NPLOC4: variants seen among roughly 807,000 people sequenced by gnomAD.
NPLOC4 encodes the protein nuclear protein localization protein 4 homolog.
A neutral mutation model predicts 80.6 loss-of-function variants in NPLOC4; 18 were observed. The ratio of observed to expected loss-of-function variants is 0.22; its 90% CI spans 0.15 to 0.33. The LOEUF (loss-of-function observed/expected upper bound fraction) is 0.33. Ranked by LOEUF, NPLOC4 falls within the 10% of genes least tolerant of loss-of-function variation. The pLI is 1.00. For synonymous variants in NPLOC4, 313 were observed against 301.5 expected, an observed-to-expected ratio of 1.04 and a Z score of -0.39; for missense variants, 540 against 786.1, an observed-to-expected ratio of 0.69 and a Z score of 3.74.
intron 3 of NPLOC4, among the ~76,000 whole-genome samples, chr17:81,618,585 G>A (rs147114956): frequency 9.2e-5 from 6 of 64,948 alleles, no homozygotes; most frequent in Admixed American, 6.8e-4. Context: ...GAGGGAGGTG[G>A]GGGGTCAGCC....
intron 1 of NPLOC4, among the ~76,000 whole-genome samples, chr17:81,630,290 CTTTTT>C (rs202138659): frequency 6.7e-6 from 1 of 150,246 alleles, no homozygotes; most frequent in Non-Finnish European, 1.5e-5. Context: ...CTAATTGTTA[CTTTTT>C]TTTTGCTTTT....
At chr17:81,578,022 A>G (rs1568126794) in intron 12 of NPLOC4, among the ~76,000 whole-genome samples, 1 of 152,104 alleles carries the variant, frequency 6.6e-6, no homozygotes, top group East Asian at 1.9e-4. Context: ...TGCCTCTCCT[A>G]CCTGGATTTC....
chr17:81,575,159 G>C (rs550575727), intron 12 of NPLOC4, among the ~76,000 whole-genome samples: 2 of 152,278 alleles, frequency 1.3e-5, no homozygotes, highest in East Asian at 3.9e-4. Context: ...GAGTGCAGTG[G>C]CGCGGTCTCG....
chr17:81,571,503 G>C (rs2034159706), intron 13 of NPLOC4, among the ~76,000 whole-genome samples: 1 of 152,226 alleles, frequency 6.6e-6, no homozygotes, highest in African/African-American at 2.4e-5. Flanking sequence ...AGAACACTGA[G>C]TTACAGGTGT....
rs2034189002 is a variant in NPLOC4 at position 81,572,514 on chromosome 17, T to A, written c.1282-426A>T. Among the ~76,000 whole-genome samples the A allele has an allele frequency of 6.6e-6, 1 of 152,194 alleles. No individual in the cohort carries two copies. Among genetic ancestry groups the A allele is most frequent in the Non-Finnish European group, 1.5e-5 (1 of 68,042 alleles). ...CCTTCACTTTTTAAATTACTTCAAATCTTATTGAAGTGTATGGATAGCAGA... is the reference window on the plus strand; with the variant it reads ...CCTTCACTTTTTAAATTACTTCAAAACTTATTGAAGTGTATGGATAGCAGA... On this transcript the variant is annotated intron_variant, in intron 12 of 16. Coordinates refer to ENST00000331134, the MANE Select transcript of NPLOC4 (RefSeq NM_017921.4). The surrounding 1 kb of genome is among the most constrained non-coding windows in gnomAD (Gnocchi z 4.5).
At chr17:81,633,484 A>G (rs1008500048) in intron 1 of NPLOC4, among the ~76,000 whole-genome samples, 1 of 152,232 alleles carries the variant, frequency 6.6e-6, no homozygotes, top group South Asian at 2.1e-4. Flanking sequence ...TTCCAAGGCC[A>G]ACTCCAGTAT....
rs200065610 is a variant in NPLOC4, at chr17:81,559,373, G to C, written c.1713C>G (p.Ala571=). The C allele has an allele frequency of 1.2e-6, 2 of 1,609,726 alleles. No individual in the cohort carries two copies. Among genetic ancestry groups the C allele is most frequent in the Non-Finnish European group, 8.5e-7 (1 of 1,178,356 alleles). ...TGGCCGTGTGTGTGGAGCCCCCGAC[G>C]GCGCCGTACTCATGGAGACCTGGGA... ...GQLPGLHEYG[A]VGGSTHTATA... The change falls in exon 17 of 17, where the codon GCC becomes GCG. Residue 571 remains alanine, a synonymous_variant. Transcript: ENST00000331134.
chr17:81,605,149 C>T (rs921930709), intron 7 of NPLOC4, among the ~76,000 whole-genome samples: 1 of 151,668 alleles, frequency 6.6e-6, no homozygotes, highest in Non-Finnish European at 1.5e-5. Flanking sequence ...GGCGTGGTGG[C>T]GGGCGCCTGT....
chr17:81,573,849 C>G (rs1261459461), intron 12 of NPLOC4, among the ~76,000 whole-genome samples: 1 of 152,228 alleles, frequency 6.6e-6, no homozygotes, highest in African/African-American at 2.4e-5. Context: ...CCTGCAAATA[C>G]ACAGCTCTGC....
At chr17:81,628,078 G>A (rs1164667112) in intron 2 of NPLOC4, among the ~76,000 whole-genome samples, 1 of 151,630 alleles carries the variant, frequency 6.6e-6, no homozygotes, top group African/African-American at 2.4e-5. Context: ...CAGGCATGGT[G>A]GTGGGCGCCT....
chr17:81,629,424 G>T (rs1418507184), intron 2 of NPLOC4, among the ~76,000 whole-genome samples: 2 of 152,132 alleles, frequency 1.3e-5, no homozygotes, highest in East Asian at 3.9e-4. Flanking sequence ...TCCTCACTTC[G>T]TGATCCACCC....
chr17:81,582,638 A>T (rs1460810939), intron 12 of NPLOC4, among the ~76,000 whole-genome samples: 1 of 152,224 alleles, frequency 6.6e-6, no homozygotes, highest in Non-Finnish European at 1.5e-5. Flanking sequence ...CCTGAGCTCA[A>T]GCAATTCTCC....
At chr17:81,629,592 T>C (rs1249073672) in intron 2 of NPLOC4, 133 bp downstream of exon 2, 9 of 680,680 alleles carry the variant, frequency 1.3e-5, no homozygotes, top group African/African-American at 3.6e-5. Flanking sequence ...CCAACTGTGA[T>C]AGAGAAAGGC....
intron 9 of NPLOC4, among the ~76,000 whole-genome samples, chr17:81,598,854 G>T (rs2034990734): frequency 6.6e-6 from 1 of 152,194 alleles, no homozygotes; most frequent in Non-Finnish European, 1.5e-5. Flanking sequence ...AGCCCACTGG[G>T]AGACTTTCAC....
At chr17:81,605,736 T>C (rs2035185227) in intron 7 of NPLOC4, among the ~76,000 whole-genome samples, 1 of 152,004 alleles carries the variant, frequency 6.6e-6, no homozygotes, top group Non-Finnish European at 1.5e-5. Context: ...ATGGGTTTCA[T>C]CTATCAATAA....
At chr17:81,604,101 A>T (rs2035136063) in intron 8 of NPLOC4, among the ~76,000 whole-genome samples, 1 of 152,096 alleles carries the variant, frequency 6.6e-6, no homozygotes, top group Non-Finnish European at 1.5e-5. Context: ...TTAAATTGTT[A>T]TCAGTCCTAT....
rs1311892457 is a variant in NPLOC4, at chr17:81,567,937, G to A, written c.1450-404C>T. The A allele has an allele frequency of 5.3e-6, 1 of 187,638 alleles. No individual in the cohort carries two copies. Among genetic ancestry groups the A allele is most frequent in the Non-Finnish European group, 1.1e-5 (1 of 88,714 alleles). The allele number at this position is 187,638 out of a possible 1,614,324, so 11.6% of individuals were successfully genotyped here. On this transcript the variant is annotated intron_variant, in intron 14 of 16. Transcript: ENST00000331134. The surrounding 1 kb of genome is among the most constrained non-coding windows in gnomAD (Gnocchi z 4.5). ...CTAAAAATACAAAAAAAATTACCCA[G>A]GCTTGGTGGCGCGCACCTATAATCC...
chr17:81,613,138 A>C (rs936872374), intron 4 of NPLOC4, 180 bp downstream of exon 4: 13 of 556,994 alleles, frequency 2.3e-5, no homozygotes, highest in Non-Finnish European at 3.7e-5. Flanking sequence ...AAAAAAAAAA[A>C]ACAAAAACCG....
intron 1 of NPLOC4, among the ~76,000 whole-genome samples, chr17:81,634,922 C>A (rs980262571): frequency 5.3e-5 from 8 of 152,080 alleles, no homozygotes; most frequent in Admixed American, 4.6e-4. Context: ...CTTGGCCGGG[C>A]ATGGTAGCTC....
Sources: gnomAD v4.1 joint callset for allele counts (sites outside exome capture counted in the v4.1 genomes callset) on GRCh38, gnomAD v4.1.1 for gene constraint, Gnocchi (gnomAD v3.1) non-coding constraint, MANE v1.5 for transcripts, NCBI Gene and HGNC (gene_info 2026-07-23, HGNC 2026-07-21) for gene names.